Variants in DMD observed in about 807,000 individuals in gnomAD.
DMD encodes the protein dystrophin.
Under a neutral mutation model 330.1 loss-of-function variants are expected in DMD, and 63 were observed. That is an observed-to-expected ratio of 0.19 (90% CI 0.16 to 0.24). DMD has a LOEUF of 0.24. Ranked by LOEUF, DMD falls within the 10% of genes least tolerant of loss-of-function variation. The pLI is 1.00. For missense variants in DMD, 3,344 were observed against 2,684.1 expected (o/e 1.25, Z -5.43); for synonymous variants, 1,223 against 959.8 (o/e 1.27, Z -5.07).
At chrX:32,023,490 T>G (rs2095822716) in intron 44 of DMD, among the ~76,000 whole-genome samples, 1 of 111,550 alleles carries the variant, frequency 9.0e-6, no homozygotes, top group Non-Finnish European at 1.9e-5. Flanking sequence ...AAACTGCACT[T>G]ACAAAAACAG....
At chrX:31,569,634 A>ATATACGTCTATATACGTATATACGTC (rs2075677394) in intron 55 of DMD, among the ~76,000 whole-genome samples, 1 of 98,813 alleles carries the variant, frequency 1.0e-5, no homozygotes, top group African/African-American at 3.8e-5. Context: ...GTATATACGT[A>ATATACGTCTATATACGTATATACGTC]TATATATGTA....
At chrX:32,232,465 C>A (rs2097172510) in intron 43 of DMD, among the ~76,000 whole-genome samples, 1 of 111,129 alleles carries the variant, frequency 9.0e-6, no homozygotes, top group Non-Finnish European at 1.9e-5. Flanking sequence ...ACTGTGGGAG[C>A]AGGGCAGTTC....
At chrX:33,278,553 T>C (rs992598420) in intron 1 of DMD, among the ~76,000 whole-genome samples, 7 of 112,029 alleles carry the variant, frequency 6.2e-5, no homozygotes, top group Admixed American at 1.9e-4. Flanking sequence ...ATGATGTGTA[T>C]GTACCATATT....
At chrX:32,538,228 G>A (rs1316518078) in intron 17 of DMD, among the ~76,000 whole-genome samples, 1 of 112,201 alleles carries the variant, frequency 8.9e-6, no homozygotes, top group African/African-American at 3.2e-5. Context: ...CAGATGGCCT[G>A]AAGCAACTGA....
At chrX:32,613,038 G>A (rs746885767) in intron 12 of DMD, among the ~76,000 whole-genome samples, 3 of 111,670 alleles carry the variant, frequency 2.7e-5, no homozygotes, top group Non-Finnish European at 1.9e-5. Context: ...GATTTCGAAG[G>A]TATGAGGTAA....
intron 21 of DMD, among the ~76,000 whole-genome samples, chrX:32,477,829 C>A (rs768379990): frequency 1.7e-4 from 19 of 111,107 alleles, no homozygotes; most frequent in Non-Finnish European, 3.2e-4. Context: ...GTAACTGTGC[C>A]AACCAATAAG....
chrX:32,522,292 T>G (rs1360084157), intron 17 of DMD, among the ~76,000 whole-genome samples: 1 of 112,081 alleles, frequency 8.9e-6, no homozygotes, highest in African/African-American at 3.2e-5. Context: ...AGCTTTTCAC[T>G]TGGCCTCTGG....
intron 1 of DMD, among the ~76,000 whole-genome samples, chrX:33,291,887 C>A (rs1054567496): frequency 9.0e-6 from 1 of 111,278 alleles, no homozygotes; most frequent in African/African-American, 3.3e-5. Flanking sequence ...TTTATTTGAC[C>A]ACACTTGTAT....
rs2041103718 is a variant in DMD, at chrX:31,181,037, C to CT, written c.9975-557dup. On this transcript the variant is annotated intron_variant, in intron 68 of 78. Transcript: ENST00000357033. ...CTTCAAACAGTTACTCGAATGAACT[C>CT]TTTTATCTCTATCTCTTCAGAAATC... Among the ~76,000 whole-genome samples the CT allele has an allele frequency of 4.5e-5, 5 of 112,034 alleles. No homozygotes were observed. The Admixed American group carries it at 4.7e-4, about 11-fold the overall frequency.
intron 9 of DMD, among the ~76,000 whole-genome samples, chrX:32,667,768 T>G (rs891387332): frequency 1.7e-4 from 4 of 23,145 alleles, no homozygotes; most frequent in East Asian, 2.3e-3. Context: ...TGCTTTTGTG[T>G]TTTTTTTTTT....
chrX:31,303,492 T>C lies in DMD; in HGVS notation c.9224+20106A>G, dbSNP rs766072344. 2.7e-5 allele frequency among the ~76,000 whole-genome samples: 3 copies of C among 111,822 alleles called. 1 individual carries two copies. Among genetic ancestry groups the C allele is most frequent in the African/African-American group, 9.7e-5 (3 of 30,853 alleles). ...GAAATCTAGGTGTGATTCCTTGACA[T>C]GTTTTGCTTTCTCTTTGCGCCCTTC... On this transcript the variant is annotated intron_variant, in intron 62 of 78. Coordinates refer to ENST00000357033, the MANE Select transcript of DMD (RefSeq NM_004006.3).
At chrX:31,191,193 G>GTGTA (rs776209031) in intron 67 of DMD, among the ~76,000 whole-genome samples, 1 of 66,342 alleles carries the variant, frequency 1.5e-5, no homozygotes, top group Non-Finnish European at 3.0e-5. Context: ...CAATGTGTAT[G>GTGTA]TGTGTGTGTG....
At chrX:33,030,414 A>G (rs948977481) in intron 1 of DMD, among the ~76,000 whole-genome samples, 6 of 112,210 alleles carry the variant, frequency 5.3e-5, no homozygotes, top group Non-Finnish European at 1.9e-5. Context: ...GTTTTTAGTA[A>G]TAATGGAAAT....
rs767065977 is a variant in DMD at position 33,294,189 on chromosome X, G to GT, written c.7+45069dup. On this transcript the variant is annotated intron_variant, in intron 1 of 17. Transcript: ENST00000288447. ...CACTGTTCTGACTGAGATTTTGCAG[G>GT]TTTTTTTGTTTTGAATAAATATTTC... Among the ~76,000 whole-genome samples the GT allele has an allele frequency of 6.2e-3, 685 of 110,923 alleles. 5 individuals carry two copies. The highest frequency in any genetic ancestry group is 9.0e-3 in the Non-Finnish European group (473 of 52,791).
chrX:33,052,661 G>C (rs752851455), intron 1 of DMD, among the ~76,000 whole-genome samples: 1 of 111,717 alleles, frequency 9.0e-6, no homozygotes, highest in Admixed American at 9.6e-5. Flanking sequence ...TATTTTGAGG[G>C]TGCCAGAAAG....
chrX:33,278,838 T>C (rs1000186342), intron 1 of DMD, among the ~76,000 whole-genome samples: 1 of 111,588 alleles, frequency 9.0e-6, no homozygotes, highest in East Asian at 2.8e-4. Context: ...CACTACATAA[T>C]GATAAAGGGT....
At chrX:32,010,991 T>G in intron 44 of DMD, among the ~76,000 whole-genome samples, 1 of 112,249 alleles carries the variant, frequency 8.9e-6, no homozygotes, top group African/African-American at 3.2e-5. Context: ...GTCCAAGAAA[T>G]GTAGTGAATA....
intron 62 of DMD, among the ~76,000 whole-genome samples, chrX:31,295,836 T>C (rs1240477108): frequency 8.9e-6 from 1 of 112,470 alleles, no homozygotes; most frequent in Non-Finnish European, 1.9e-5. Context: ...AGCTCTCAAT[T>C]GTGAATGTTG....
intron 2 of DMD, among the ~76,000 whole-genome samples, chrX:32,909,263 G>GA (rs2087012586): frequency 9.2e-6 from 1 of 109,129 alleles, no homozygotes; most frequent in Admixed American, 9.8e-5. Flanking sequence ...ACTGCTATAA[G>GA]AATTTCTTAC....
Sources: gnomAD v4.1 joint callset for allele counts (sites outside exome capture counted in the v4.1 genomes callset) on GRCh38, gnomAD v4.1.1 for gene constraint, MANE v1.5 for transcripts, NCBI Gene and HGNC (gene_info 2026-07-23, HGNC 2026-07-21) for gene names.